The following PRKN variants were observed in gnomAD, a reference collection of about 807,000 sequenced individuals.
PRKN encodes E3 ubiquitin-protein ligase parkin.
PRKN carries 56 observed loss-of-function variants against 59.5 expected under a neutral mutation model. The observed-to-expected ratio is 0.94, with a 90% confidence interval of 0.76 to 1.18. PRKN has a LOEUF of 1.18. Ranked by LOEUF, PRKN falls within the 50% of genes most tolerant of loss-of-function variation. The pLI is 0.00. For missense variants in PRKN, 657 were observed against 596.4 expected, an observed-to-expected ratio of 1.10 and a Z score of -1.06; for synonymous variants, 250 against 222.1, an observed-to-expected ratio of 1.13 and a Z score of -1.12.
intron 6 of PRKN, among the ~76,000 whole-genome samples, chr6:161,789,726 T>A (rs1199963147): frequency 6.6e-6 from 1 of 152,206 alleles, no homozygotes; most frequent in Admixed American, 6.5e-5. Flanking sequence ...AAATGAAAAG[T>A]CATGAAATTG....
intron 4 of PRKN, among the ~76,000 whole-genome samples, chr6:162,145,520 T>G (rs1213366639): frequency 6.6e-6 from 1 of 152,140 alleles, no homozygotes; most frequent in Non-Finnish European, 1.5e-5. Context: ...TTCTTGGTAT[T>G]TTGAACAAAG....
At chr6:161,892,844 A>G (rs539955877) in intron 6 of PRKN, among the ~76,000 whole-genome samples, 2 of 152,334 alleles carry the variant, frequency 1.3e-5, no homozygotes, top group South Asian at 2.1e-4. Context: ...GCAGAAACCA[A>G]TATTTAGTTG....
At chr6:161,889,215 G>A (rs777708756) in intron 6 of PRKN, among the ~76,000 whole-genome samples, 4 of 151,984 alleles carry the variant, frequency 2.6e-5, no homozygotes, top group Admixed American at 2.0e-4. Flanking sequence ...GAGGGTCACC[G>A]AAGAAAAGTT....
intron 7 of PRKN, among the ~76,000 whole-genome samples, chr6:161,773,278 T>C (rs759037259): frequency 1.6e-4 from 25 of 152,332 alleles, no homozygotes; most frequent in Admixed American, 7.2e-4. Context: ...TTTAAAATGA[T>C]ATATTTAAAG....
intron 1 of PRKN, among the ~76,000 whole-genome samples, chr6:162,638,997 G>A (rs2849553): frequency 0.92 from 139,336 of 152,084 alleles, 63,984 homozygotes; most frequent in Admixed American, 0.97. Context: ...CCACCCACCC[G>A]CCTTTCATAC....
intron 9 of PRKN, among the ~76,000 whole-genome samples, chr6:161,427,897 G>C (rs1788458184): frequency 6.6e-6 from 1 of 152,134 alleles, no homozygotes; most frequent in South Asian, 2.1e-4. Flanking sequence ...ATGACTCCAG[G>C]CGTGACTCCA....
intron 1 of PRKN, among the ~76,000 whole-genome samples, chr6:162,581,299 T>C (rs1204716300): frequency 6.6e-6 from 1 of 152,212 alleles, no homozygotes; most frequent in Non-Finnish European, 1.5e-5. Flanking sequence ...TTAGAATGAA[T>C]AGTAAAATAT....
chr6:162,450,051 A>T (rs926374669), intron 1 of PRKN, among the ~76,000 whole-genome samples: 1 of 152,196 alleles, frequency 6.6e-6, no homozygotes, highest in Non-Finnish European at 1.5e-5. Flanking sequence ...GAAGCAAAAC[A>T]CCAAGACTGG....
chr6:161,517,110 A>C (rs1778638401), intron 9 of PRKN, among the ~76,000 whole-genome samples: 1 of 152,198 alleles, frequency 6.6e-6, no homozygotes, highest in African/African-American at 2.4e-5. Context: ...GCCAGAACAG[A>C]AAAAGTAATT....
intron 7 of PRKN, among the ~76,000 whole-genome samples, chr6:161,756,445 A>AGG (rs1562658837): frequency 2.5e-5 from 2 of 79,084 alleles, no homozygotes; most frequent in Non-Finnish European, 4.8e-5. Flanking sequence ...TTGTCTCGAA[A>AGG]AAAAAAAAAA....
intron 1 of PRKN, among the ~76,000 whole-genome samples, chr6:162,555,058 C>T (rs1001287646): frequency 3.3e-5 from 5 of 151,944 alleles, no homozygotes; most frequent in African/African-American, 1.2e-4. Flanking sequence ...AACAAAAAAC[C>T]AAGTAGGAAG....
intron 4 of PRKN, among the ~76,000 whole-genome samples, chr6:162,177,291 A>C (rs1645144795): frequency 6.6e-6 from 1 of 152,204 alleles, no homozygotes; most frequent in African/African-American, 2.4e-5. Context: ...AAGAGAAACA[A>C]ATTCAGAAGA....
At chr6:162,606,057 T>A (rs1781900227) in intron 1 of PRKN, among the ~76,000 whole-genome samples, 1 of 152,158 alleles carries the variant, frequency 6.6e-6, no homozygotes, top group African/African-American at 2.4e-5. Context: ...CAAGATTAGA[T>A]TTGCATTTAA....
In PRKN at chr6:161,780,958, A is replaced by G. The variant is rs559384521; in HGVS notation, c.871+4814T>C. Among the ~76,000 whole-genome samples the G allele has an allele frequency of 3.3e-4, 51 of 152,354 alleles. No individual in the cohort carries two copies. In the East Asian group the frequency reaches 9.6e-3, roughly 29 times the overall value. On this transcript the variant is annotated intron_variant, in intron 7 of 11. Coordinates refer to ENST00000366898, the MANE Select transcript of PRKN (RefSeq NM_004562.3). The stretch of plus-strand genomic sequence containing the variant: ...GTTTTTAAAAAGGCTGAAATAACAC[A>G]TGCTAAACAATCTTGTGACAAACCG...
chr6:162,270,282 T>C (rs1231463704), intron 2 of PRKN: 1 of 152,180 alleles, frequency 6.6e-6, no homozygotes, highest in Non-Finnish European at 1.5e-5. Flanking sequence ...CCAAACATTG[T>C]ATGTTCTTAC....
chr6:161,946,648 G>A (rs1779794008), intron 6 of PRKN, among the ~76,000 whole-genome samples: 1 of 152,090 alleles, frequency 6.6e-6, no homozygotes, highest in Admixed American at 6.5e-5. Context: ...TGTTCAGAGT[G>A]ATCTTAGAAT....
rs150793149 is a variant in PRKN at position 161,404,895 on chromosome 6, C to T, written c.1084-18018G>A. The stretch of plus-strand genomic sequence containing the variant: ...GCAACATACTTCTAAAAACAGAATG[C>T]GAAGCCGTAAATACTGCAATGGAAT... On this transcript the variant is annotated intron_variant, in intron 9 of 11. Coordinates refer to ENST00000366898, the MANE Select transcript of PRKN (RefSeq NM_004562.3). Among the ~76,000 whole-genome samples, 36 of 152,180 alleles carry T rather than the reference C, an allele frequency of 2.4e-4. 1 individual carries two copies. The highest frequency in any genetic ancestry group is 8.3e-4 in the South Asian group (4 of 4,818).
At chr6:162,363,130 AC>A (rs763706303) in intron 2 of PRKN, among the ~76,000 whole-genome samples, 7,201 of 101,560 alleles carry the variant, frequency 0.071, 303 homozygotes, top group Non-Finnish European at 0.1. Context: ...TCCTTCTCAA[AC>A]AAAAAAAAAA....
chr6:162,227,962 G>A (rs2128084544), intron 3 of PRKN, among the ~76,000 whole-genome samples: 1 of 151,574 alleles, frequency 6.6e-6, no homozygotes, highest in East Asian at 1.9e-4. Context: ...TAACTACTTA[G>A]TGACCTGAGT....
Sources: allele counts gnomAD v4.1 joint callset (sites outside exome capture counted in the v4.1 genomes callset), GRCh38; gene constraint gnomAD v4.1.1; transcripts MANE v1.5; gene names NCBI Gene and HGNC (gene_info 2026-07-23, HGNC 2026-07-21).